The following TPTE variants were observed in gnomAD, a reference collection of about 807,000 sequenced individuals.
TPTE encodes putative tyrosine-protein phosphatase TPTE.
In TPTE, 59 loss-of-function variants were observed where a neutral mutation model predicts 84.1. That is an observed-to-expected ratio of 0.70 (90% CI 0.57 to 0.87). TPTE has a LOEUF of 0.87. Among genes scored for constraint, TPTE ranks in the 40% least tolerant of loss-of-function variants. TPTE has a pLI of 0.00. For synonymous variants in TPTE, 130 were observed against 223.5 expected, an observed-to-expected ratio of 0.58 and a Z score of 3.73; for missense variants, 382 against 659.6, an observed-to-expected ratio of 0.58 and a Z score of 4.61.
chr21:10,553,013 G>T (rs138011727), intron 8 of TPTE, among the ~76,000 whole-genome samples: 1,869 of 151,616 alleles, frequency 0.012, no homozygotes, highest in South Asian at 0.065. Flanking sequence ...AATGCAGAAT[G>T]CTACTTAACT....
At chr21:10,559,376 A>G (rs939735704) in intron 8 of TPTE, 118 bp from the exon 9 acceptor site, 35 of 1,471,984 alleles carry the variant, frequency 2.4e-5, no homozygotes, top group Non-Finnish European at 3.0e-5. Flanking sequence ...ATTTTGTTAT[A>G]CAACTTCTGA....
chr21:10,574,595 G>T (rs1374935790), intron 14 of TPTE, among the ~76,000 whole-genome samples: 1 of 152,300 alleles, frequency 6.6e-6, no homozygotes, highest in Non-Finnish European at 1.5e-5. Context: ...GAGATAACCA[G>T]GTTCTCACAT....
At position 10,548,188 on chromosome 21, in the gene TPTE, GAAAC is replaced by G. The variant is rs751476756; in HGVS notation, c.174-4466_174-4463del. On this transcript the variant is annotated intron_variant, in intron 7 of 23. Transcript: ENST00000618007. The stretch of plus-strand genomic sequence containing the variant: ...GTGTATGCCCAAGTCTCAGGGCCGA[GAAAC>G]AACCCTGGGAGCTTACTCAGGCCAA... Among the ~76,000 whole-genome samples, 4 of 152,422 alleles carry G rather than the reference GAAAC, an allele frequency of 2.6e-5. No individual in the cohort carries two copies. In the South Asian group the frequency reaches 6.2e-4, roughly 24 times the overall value.
intron 15 of TPTE, 73 bp downstream of exon 15, chr21:10,577,593 T>G (rs1054931625): frequency 6.2e-7 from 1 of 1,610,794 alleles, no homozygotes; most frequent in Non-Finnish European, 8.5e-7. Flanking sequence ...ATGATTTTGT[T>G]TTTTAGATTG....
At chr21:10,532,183 TG>T (rs1326143834) in intron 3 of TPTE, among the ~76,000 whole-genome samples, 15 of 152,296 alleles carry the variant, frequency 9.8e-5, no homozygotes, top group African/African-American at 3.6e-4. Flanking sequence ...AATACTAGGT[TG>T]ATTTCTTTGT....
At chr21:10,539,049 A>G (rs1198713446) in intron 4 of TPTE, among the ~76,000 whole-genome samples, 1 of 152,306 alleles carries the variant, frequency 6.6e-6, no homozygotes, top group Non-Finnish European at 1.5e-5. Context: ...ACGGAGTGAT[A>G]TAAAAAGGAG....
chr21:10,522,279 C>T (rs2073994626), intron 1 of TPTE, among the ~76,000 whole-genome samples: 2 of 152,388 alleles, frequency 1.3e-5, no homozygotes, highest in South Asian at 2.1e-4. Flanking sequence ...CGCTCTTGGC[C>T]GTCACACTCA....
At chr21:10,536,337 G>A (rs1306756258) in intron 3 of TPTE, among the ~76,000 whole-genome samples, 3 of 152,306 alleles carry the variant, frequency 2.0e-5, no homozygotes, top group Non-Finnish European at 4.4e-5. Context: ...ATGTCAACCA[G>A]ATAGTACATT....
chr21:10,581,277 A>T (rs1186869182), intron 17 of TPTE, among the ~76,000 whole-genome samples: 3 of 152,400 alleles, frequency 2.0e-5, no homozygotes, highest in Non-Finnish European at 4.4e-5. Flanking sequence ...CTTTTGCTTT[A>T]AAAATGGCCA....
chr21:10,525,109 A>C (rs1341019541), intron 2 of TPTE, among the ~76,000 whole-genome samples: 1 of 152,306 alleles, frequency 6.6e-6, no homozygotes, highest in Non-Finnish European at 1.5e-5. Context: ...CACTCCACAG[A>C]GATGGCCACC....
intron 4 of TPTE, among the ~76,000 whole-genome samples, chr21:10,538,996 C>T (rs538289163): frequency 1.3e-4 from 20 of 152,414 alleles, no homozygotes; most frequent in Admixed American, 1.1e-3. Context: ...ATTTCCAATT[C>T]TTCTCCTAGT....
intron 3 of TPTE, among the ~76,000 whole-genome samples, chr21:10,528,512 T>A (rs1398275582): frequency 2.6e-5 from 4 of 152,312 alleles, no homozygotes; most frequent in African/African-American, 9.6e-5. Flanking sequence ...GTTGGTCATA[T>A]CACCGCTCCA....
chr21:10,545,986 T>C (rs2074460446), intron 7 of TPTE, among the ~76,000 whole-genome samples: 1 of 152,244 alleles, frequency 6.6e-6, no homozygotes, highest in Non-Finnish European at 1.5e-5. Context: ...ACATATATAG[T>C]TTATATATAC....
At chr21:10,559,872 T>TAAAA (rs61583687) in intron 9 of TPTE, among the ~76,000 whole-genome samples, 49 of 116,958 alleles carry the variant, frequency 4.2e-4, no homozygotes, top group African/African-American at 7.5e-4. Flanking sequence ...AGACTCCATG[T>TAAAA]AAAAAAAAAA....
chr21:10,582,292 A>G (rs2075285400), intron 17 of TPTE, among the ~76,000 whole-genome samples: 1 of 152,310 alleles, frequency 6.6e-6, no homozygotes, highest in Non-Finnish European at 1.5e-5. Flanking sequence ...GTTCTCCATT[A>G]ATTTGTAATC....
At chr21:10,532,702 C>T (rs1382851538) in intron 3 of TPTE, among the ~76,000 whole-genome samples, 35 of 152,406 alleles carry the variant, frequency 2.3e-4, no homozygotes, top group African/African-American at 8.4e-4. Context: ...TCAATCAGTT[C>T]TTAGTATTTA....
chr21:10,553,448 C>A (rs2074619443), intron 8 of TPTE, among the ~76,000 whole-genome samples: 1 of 152,312 alleles, frequency 6.6e-6, no homozygotes. Context: ...AAAAATAGTT[C>A]TTCAAATTAC....
At position 10,605,610 on chromosome 21, in the gene TPTE, T is replaced by TGTG; in HGVS notation, c.*60_*61insGGT. 1 of 1,612,988 alleles carries TGTG rather than the reference T, an allele frequency of 6.2e-7. No individual in the cohort carries two copies. The highest frequency in any genetic ancestry group is 1.1e-5 in the South Asian group (1 of 90,720). ...TTATGTTCTTTCCAACCCTGCCACA[T>TGTG]GTTCATATATCCTAAATCTATCCTA... On this transcript the variant is annotated 3_prime_UTR_variant, in exon 24 of 24. Transcript: ENST00000618007.
chr21:10,566,296 C>T (rs1313896963), intron 10 of TPTE, among the ~76,000 whole-genome samples: 3 of 152,310 alleles, frequency 2.0e-5, no homozygotes, highest in Non-Finnish European at 4.4e-5. Context: ...GTGTAGAAAA[C>T]TACCATGAGA....
Sources: gnomAD v4.1 joint callset for allele counts (sites outside exome capture counted in the v4.1 genomes callset) on GRCh38, gnomAD v4.1.1 for gene constraint, MANE v1.5 for transcripts, NCBI Gene and HGNC (gene_info 2026-07-23, HGNC 2026-07-21) for gene names.